The following PHACTR3 variants were observed in gnomAD, a reference collection of about 807,000 sequenced individuals.
The protein encoded by PHACTR3 is phosphatase and actin regulator 3.
In PHACTR3, 16 loss-of-function variants were observed where a neutral mutation model predicts 66.8. The observed-to-expected ratio is 0.24, with a 90% CI of 0.16 to 0.36. The LOEUF (loss-of-function observed/expected upper bound fraction) is 0.36. PHACTR3 is among the 10% of genes least tolerant of loss of function. The pLI, the probability that PHACTR3 is intolerant of heterozygous loss-of-function variation, is 1.00. For synonymous variants in PHACTR3, 323 were observed against 292.1 expected (o/e 1.11, Z -1.08); for missense variants, 647 against 719.9 (o/e 0.90, Z 1.16).
chr20:59,795,130 T>C (rs2041214986), intron 7 of PHACTR3, among the ~76,000 whole-genome samples: 1 of 152,102 alleles, frequency 6.6e-6, no homozygotes, highest in African/African-American at 2.4e-5. Flanking sequence ...CAATTGTTGT[T>C]GCATGCTTCC....
chr20:59,842,136 G>A (rs1168201154), intron 11 of PHACTR3, among the ~76,000 whole-genome samples: 1 of 152,144 alleles, frequency 6.6e-6, no homozygotes, highest in African/African-American at 2.4e-5. Flanking sequence ...GAGGTAGTAG[G>A]TCATAGAGTC....
chr20:59,650,771 G>T (rs955934305), intron 1 of PHACTR3, among the ~76,000 whole-genome samples: 1 of 151,368 alleles, frequency 6.6e-6, no homozygotes, highest in Non-Finnish European at 1.5e-5. Context: ...AGTCTCAGGG[G>T]TTGGGGGTGG....
intron 1 of PHACTR3, among the ~76,000 whole-genome samples, chr20:59,584,682 A>G (rs35966301): frequency 0.036 from 5,494 of 152,154 alleles, 162 homozygotes; most frequent in Middle Eastern, 0.082. Flanking sequence ...CTAACACTCC[A>G]TCTAAGCCAG....
chr20:59,676,614 G>A, intron 1 of PHACTR3: 2 of 812,216 alleles, frequency 2.5e-6, no homozygotes, highest in Non-Finnish European at 3.0e-6. Flanking sequence ...CGAGTCCCCA[G>A]GAGCAAGTGA....
chr20:59,686,622 T>C (rs1385415479), intron 1 of PHACTR3, among the ~76,000 whole-genome samples: 34 of 69,268 alleles, frequency 4.9e-4, no homozygotes, highest in Middle Eastern at 8.6e-3. Flanking sequence ...TGATGATGGT[T>C]GTGATGATTG....
chr20:59,820,930 G>A lies in PHACTR3; in HGVS notation c.1328+14736G>A, dbSNP rs1480985050. Among the ~76,000 whole-genome samples the A allele has an allele frequency of 1.3e-5, 2 of 152,138 alleles. No homozygotes were observed. The highest frequency in any genetic ancestry group is 2.9e-5 in the Non-Finnish European group (2 of 68,022). On this transcript the variant is annotated intron_variant, in intron 8 of 12. Transcript: ENST00000371015. This position sits in a 1 kb window ranked among gnomAD's most constrained non-coding sequence, Gnocchi z 4.6. ...CCAAGCCTTGAAATGGGTGTGTGATGTCTGCCTGCTCAGATGCTTGCAGGG... is the reference window on the plus strand; with the variant it reads ...CCAAGCCTTGAAATGGGTGTGTGATATCTGCCTGCTCAGATGCTTGCAGGG...
intron 4 of PHACTR3, among the ~76,000 whole-genome samples, chr20:59,762,242 C>T (rs1195171177): frequency 2.0e-5 from 3 of 152,176 alleles, no homozygotes; most frequent in Non-Finnish European, 2.9e-5. Flanking sequence ...GTCTCATGGC[C>T]ATCAGGGTGA....
intron 9 of PHACTR3, 97 bp downstream of exon 9, chr20:59,836,657 C>A (rs1174977116): frequency 2.5e-6 from 3 of 1,209,780 alleles, no homozygotes; most frequent in Admixed American, 2.5e-5. Context: ...TCTCTGCAAG[C>A]GGAATGCTCC....
intron 1 of PHACTR3, among the ~76,000 whole-genome samples, chr20:59,615,296 G>A (rs1199705710): frequency 6.6e-6 from 1 of 151,876 alleles, no homozygotes; most frequent in Non-Finnish European, 1.5e-5. Context: ...ATGGGGAAAT[G>A]CTGTTATAAA....
chr20:59,619,558 G>A (rs118104401), intron 1 of PHACTR3, among the ~76,000 whole-genome samples: 1 of 152,128 alleles, frequency 6.6e-6, no homozygotes, highest in East Asian at 1.9e-4. Context: ...TTCGGACCCC[G>A]AGCAGATGAG....
chr20:59,777,393 T>C (rs954363279), intron 7 of PHACTR3, among the ~76,000 whole-genome samples: 4 of 152,186 alleles, frequency 2.6e-5, no homozygotes, highest in South Asian at 2.1e-4. Flanking sequence ...AACTCGTTCC[T>C]CTTCTCATTG....
At chr20:59,613,853 A>T (rs1412425101) in intron 1 of PHACTR3, among the ~76,000 whole-genome samples, 18 of 152,212 alleles carry the variant, frequency 1.2e-4, no homozygotes, top group Admixed American at 1.2e-3. Context: ...GTCCATTCAA[A>T]TTTTATTTAA....
intron 7 of PHACTR3, among the ~76,000 whole-genome samples, chr20:59,777,938 T>C (rs8117071): frequency 0.38 from 57,060 of 151,816 alleles, 13,133 homozygotes; most frequent in East Asian, 0.67. Flanking sequence ...GTGCATTGCA[T>C]AGCTTACATC....
intron 1 of PHACTR3, among the ~76,000 whole-genome samples, chr20:59,591,684 T>C (rs1353376420): frequency 6.6e-6 from 1 of 152,012 alleles, no homozygotes; most frequent in Non-Finnish European, 1.5e-5. Context: ...CCATTGAGAC[T>C]CCATTTCTGC....
intron 1 of PHACTR3, among the ~76,000 whole-genome samples, chr20:59,634,282 C>G (rs1009235226): frequency 6.6e-6 from 1 of 152,152 alleles, no homozygotes; most frequent in Non-Finnish European, 1.5e-5. Context: ...GGTGTGAATC[C>G]CAGCCTCTGC....
At chr20:59,629,403 G>C (rs1438670286) in intron 1 of PHACTR3, among the ~76,000 whole-genome samples, 1 of 152,248 alleles carries the variant, frequency 6.6e-6, no homozygotes, top group Non-Finnish European at 1.5e-5. Context: ...CTCATCTCCT[G>C]TGGCTGCCCT....
intron 4 of PHACTR3, among the ~76,000 whole-genome samples, chr20:59,759,648 T>A (rs1352634330): frequency 6.6e-6 from 1 of 152,224 alleles, no homozygotes; most frequent in Non-Finnish European, 1.5e-5. Context: ...AACGTGGTCC[T>A]AGGTCTCCGG....
exon 1 of PHACTR3, chr20:59,577,568 C>A: frequency 8.3e-7 from 1 of 1,203,240 alleles, no homozygotes; most frequent in Non-Finnish European, 1.0e-6. Flanking sequence ...CGCTGCTGGG[C>A]GCCTTCGGGG....
chr20:59,642,591 T>C (rs1239867330), intron 1 of PHACTR3, among the ~76,000 whole-genome samples: 1 of 152,224 alleles, frequency 6.6e-6, no homozygotes, highest in Non-Finnish European at 1.5e-5. Context: ...TGCTCCAGAA[T>C]AGGAATTTGC....
Sources: allele counts gnomAD v4.1 joint callset (sites outside exome capture counted in the v4.1 genomes callset), GRCh38; gene constraint gnomAD v4.1.1; non-coding constraint Gnocchi (gnomAD v3.1); transcripts MANE v1.5; gene names NCBI Gene and HGNC (gene_info 2026-07-23, HGNC 2026-07-21).